The following CFAP54 variants were observed in gnomAD, a reference collection of about 807,000 sequenced individuals.
CFAP54 encodes cilia and flagella associated protein 54, also known as cilia- and flagella-associated protein 54.
In CFAP54, 290 loss-of-function variants were observed where a neutral mutation model predicts 370.4. That is an observed-to-expected ratio of 0.78 (90% CI 0.71 to 0.86). The LOEUF is 0.86. Among genes scored for constraint, CFAP54 ranks in the 40% least tolerant of loss-of-function variants. The pLI, the probability that CFAP54 is intolerant of heterozygous loss-of-function variation, is 0.00. For missense variants in CFAP54, 3,399 were observed against 3,528.7 expected (o/e 0.96, Z 0.93); for synonymous variants, 1,206 against 1,236.5 (o/e 0.98, Z 0.52).
chr12:96,738,260 T>C (rs1466224044), intron 50 of CFAP54, among the ~76,000 whole-genome samples: 2 of 150,962 alleles, frequency 1.3e-5, no homozygotes, highest in Non-Finnish European at 3.0e-5. Context: ...GGATGAGGAG[T>C]GGGTTTGGGT....
chr12:96,550,800 A>C (rs1377398075), intron 15 of CFAP54, among the ~76,000 whole-genome samples: 1 of 152,212 alleles, frequency 6.6e-6, no homozygotes, highest in Non-Finnish European at 1.5e-5. Flanking sequence ...GTTTATGAGT[A>C]GATGCTGCAG....
intron 66 of CFAP54, among the ~76,000 whole-genome samples, chr12:96,856,187 C>T (rs1036952035): frequency 1.3e-5 from 2 of 152,146 alleles, no homozygotes; most frequent in Non-Finnish European, 2.9e-5. Context: ...CCATCCTGGA[C>T]CCGGCCCCTG....
At chr12:96,742,853 A>G (rs1268790602) in intron 52 of CFAP54, among the ~76,000 whole-genome samples, 1 of 152,200 alleles carries the variant, frequency 6.6e-6, no homozygotes, top group African/African-American at 2.4e-5. Flanking sequence ...GTCATCTGGG[A>G]AGGCAACTAA....
chr12:96,681,926 G>A (rs17025717), intron 40 of CFAP54, among the ~76,000 whole-genome samples: 2,916 of 152,080 alleles, frequency 0.019, 103 homozygotes, highest in African/African-American at 0.067. Flanking sequence ...ATGAGATAAC[G>A]CAGACATGGA....
chr12:96,658,623 T>G (rs1022200467), intron 38 of CFAP54, among the ~76,000 whole-genome samples: 1 of 152,004 alleles, frequency 6.6e-6, no homozygotes, highest in Non-Finnish European at 1.5e-5. Flanking sequence ...GTACTTTTTT[T>G]TTTTGTTTTT....
At chr12:96,822,658 A>G (rs962680146) in intron 65 of CFAP54, among the ~76,000 whole-genome samples, 5 of 152,178 alleles carry the variant, frequency 3.3e-5, no homozygotes, top group African/African-American at 1.2e-4. Context: ...CTGTCGTAAG[A>G]AAGTGTGGCA....
chr12:96,541,287 CT>C (rs34387826), intron 14 of CFAP54, among the ~76,000 whole-genome samples: 14,378 of 135,640 alleles, frequency 0.11, 541 homozygotes, highest in Middle Eastern at 0.19. Flanking sequence ...CTTTCTCTCC[CT>C]TTTTTTTTTT....
intron 44 of CFAP54, among the ~76,000 whole-genome samples, chr12:96,693,007 G>A (rs933377317): frequency 3.3e-5 from 5 of 152,162 alleles, no homozygotes; most frequent in Admixed American, 2.6e-4. Flanking sequence ...GATGGATCGT[G>A]GTTGGGCCAT....
intron 32 of CFAP54, among the ~76,000 whole-genome samples, chr12:96,639,819 C>G (rs533925450): frequency 4.0e-5 from 6 of 151,728 alleles, no homozygotes; most frequent in African/African-American, 1.4e-4. Flanking sequence ...ACAGAACCAA[C>G]GACAAAAACC....
At chr12:96,500,967 AAAG>A in intron 2 of CFAP54, 28 bp downstream of exon 2, 4 of 1,365,556 alleles carry the variant, frequency 2.9e-6, no homozygotes, top group Non-Finnish European at 4.0e-6. Context: ...AAAGAGCCAA[AAAG>A]AAGTTCATTT....
intron 20 of CFAP54, among the ~76,000 whole-genome samples, chr12:96,579,447 A>G (rs1003410779): frequency 2.6e-5 from 4 of 152,230 alleles, no homozygotes; most frequent in African/African-American, 9.6e-5. Flanking sequence ...TCTGGAGCAC[A>G]GTCAGTGTTG....
At chr12:96,670,625 C>A (rs1957133759) in intron 39 of CFAP54, among the ~76,000 whole-genome samples, 1 of 152,094 alleles carries the variant, frequency 6.6e-6, no homozygotes, top group Non-Finnish European at 1.5e-5. Flanking sequence ...AGAGGAAGAG[C>A]AGGACTTGAA....
intron 60 of CFAP54, among the ~76,000 whole-genome samples, chr12:96,773,201 T>C (rs1958480982): frequency 6.6e-6 from 1 of 152,044 alleles, no homozygotes; most frequent in Non-Finnish European, 1.5e-5. Context: ...AAGCCACATG[T>C]AACTGGACCA....
chr12:96,630,896 G>A (rs1193303835), intron 32 of CFAP54, among the ~76,000 whole-genome samples: 1 of 151,998 alleles, frequency 6.6e-6, no homozygotes, highest in African/African-American at 2.4e-5. Flanking sequence ...TGGCATGAAG[G>A]TGGTGGTGGC....
chr12:96,860,681 A>G (rs1238375487), intron 66 of CFAP54, 138 bp from the exon 67 acceptor site: 3 of 781,684 alleles, frequency 3.8e-6, no homozygotes, highest in Non-Finnish European at 5.8e-6. Flanking sequence ...GAGGTATGAA[A>G]CTTTGTGCCT....
intron 65 of CFAP54, 39 bp downstream of exon 65, chr12:96,817,952 T>G: frequency 7.5e-7 from 1 of 1,335,010 alleles, no homozygotes; most frequent in South Asian, 1.6e-5. Flanking sequence ...TTGCTATAGA[T>G]TATCTTTTAT....
At chr12:96,559,405 G>A (rs1017380648) in intron 17 of CFAP54, among the ~76,000 whole-genome samples, 1 of 151,922 alleles carries the variant, frequency 6.6e-6, no homozygotes, top group African/African-American at 2.4e-5. Context: ...ACCCATAAAA[G>A]TTAAAAATTA....
At chr12:96,744,502 CA>C (rs1958089470) in intron 55 of CFAP54, among the ~76,000 whole-genome samples, 1 of 152,064 alleles carries the variant, frequency 6.6e-6, no homozygotes, top group Non-Finnish European at 1.5e-5. Flanking sequence ...AAAAATCCTA[CA>C]AACACAAAAT....
intron 26 of CFAP54, among the ~76,000 whole-genome samples, chr12:96,599,851 TG>T (rs1278991881): frequency 1.4e-5 from 2 of 147,786 alleles, no homozygotes; most frequent in Non-Finnish European, 1.5e-5. Context: ...TTTTTGGGGT[TG>T]TTTGTTTTTT....
Sources: allele counts gnomAD v4.1 joint callset (sites outside exome capture counted in the v4.1 genomes callset), GRCh38; gene constraint gnomAD v4.1.1; transcripts MANE v1.5; gene names NCBI Gene and HGNC (gene_info 2026-07-23, HGNC 2026-07-21).